Variants in PCNX2 observed in about 807,000 individuals in gnomAD.
PCNX2 encodes the protein pecanex 2.
In PCNX2, 168 loss-of-function variants were observed where a neutral mutation model predicts 223.8. That is an observed-to-expected ratio of 0.75 (90% CI 0.66 to 0.85). PCNX2 has a LOEUF of 0.85. Among genes scored for constraint, PCNX2 ranks in the 40% least tolerant of loss-of-function variants. The pLI, the probability that PCNX2 is intolerant of heterozygous loss-of-function variation, is 0.00. For missense variants in PCNX2, 2,507 were observed against 2,675.5 expected, an observed-to-expected ratio of 0.94 and a Z score of 1.39; for synonymous variants, 1,006 against 1,052.6, an observed-to-expected ratio of 0.96 and a Z score of 0.86.
intron 1 of PCNX2, among the ~76,000 whole-genome samples, chr1:233,277,651 A>G (rs116330189): frequency 0.01 from 1,550 of 152,340 alleles, 14 homozygotes; most frequent in South Asian, 0.028. Context: ...GAGCAGGTGG[A>G]GAAAACCAAA....
intron 5 of PCNX2, 93 bp downstream of exon 5, chr1:233,257,931 TCTCA>T: frequency 6.9e-7 from 1 of 1,439,564 alleles, no homozygotes; most frequent in Non-Finnish European, 9.2e-7. Flanking sequence ...CCAAGAGTTG[TCTCA>T]CTATTTGCAA....
intron 21 of PCNX2, among the ~76,000 whole-genome samples, chr1:233,097,423 A>G (rs1269329961): frequency 2.0e-5 from 3 of 152,268 alleles, no homozygotes; most frequent in Middle Eastern, 3.4e-3. Context: ...GGAAATATCA[A>G]TTCCAGGAAA....
At chr1:233,026,308 T>C (rs143562837) in intron 25 of PCNX2, among the ~76,000 whole-genome samples, 23 of 152,298 alleles carry the variant, frequency 1.5e-4, no homozygotes, top group East Asian at 5.8e-4. Context: ...TTATTATATG[T>C]TCCTAGAGCA....
intron 1 of PCNX2, among the ~76,000 whole-genome samples, chr1:233,273,372 G>C (rs1328981844): frequency 6.6e-6 from 1 of 151,940 alleles, no homozygotes; most frequent in African/African-American, 2.4e-5. Flanking sequence ...AGGGTCCTTA[G>C]AGGCTGGGCT....
intron 1 of PCNX2, chr1:233,289,144 G>A: frequency 2.3e-6 from 2 of 863,588 alleles, no homozygotes; most frequent in Admixed American, 1.7e-5. Flanking sequence ...GTTGGCTTAG[G>A]CAGGATTCTC....
intron 13 of PCNX2, among the ~76,000 whole-genome samples, chr1:233,206,416 T>C (rs16858852): frequency 0.052 from 7,459 of 142,636 alleles, 594 homozygotes; most frequent in African/African-American, 0.17. Context: ...TGAGTGAGCA[T>C]CTCTGTCTAC....
intron 25 of PCNX2, among the ~76,000 whole-genome samples, chr1:233,040,772 A>G (rs748360458): frequency 7.2e-5 from 11 of 151,752 alleles, no homozygotes; most frequent in Non-Finnish European, 1.3e-4. Flanking sequence ...TCCAATCTCT[A>G]CCCCTGCAAT....
rs115968217 is a variant in PCNX2, at chr1:233,226,207, G to A, written c.2504+1019C>T. ...TCATAAACTGTTATGTGCAAATTTT[G>A]AGGTAGGAAAAGATACAAATGAGAA... On this transcript the variant is annotated intron_variant, in intron 10 of 33. Transcript: ENST00000258229. Among the ~76,000 whole-genome samples, 1,235 of 152,252 alleles carry A rather than the reference G, an allele frequency of 8.1e-3. 18 individuals are homozygous for A. The highest frequency in any genetic ancestry group is 0.028 in the African/African-American group (1,176 of 41,548).
chr1:233,293,311 CTATT>C (rs1175160470), intron 1 of PCNX2, among the ~76,000 whole-genome samples: 1 of 152,148 alleles, frequency 6.6e-6, no homozygotes, highest in Non-Finnish European at 1.5e-5. Flanking sequence ...GTGAGGTAGA[CTATT>C]TAATGCTAGT....
chr1:233,250,729 C>T lies in PCNX2; in HGVS notation c.2222+10G>A, dbSNP rs1302752373. On this transcript the variant is annotated intron_variant, in intron 8 of 33. Coordinates refer to ENST00000258229, the MANE Select transcript of PCNX2 (RefSeq NM_014801.4). ...ACAGCTCTCAAGCCTGGAAACAAAGCTCCACTCACCGAGCCTGAGAGAGAC... is the reference window on the plus strand; with the variant it reads ...ACAGCTCTCAAGCCTGGAAACAAAGTTCCACTCACCGAGCCTGAGAGAGAC... 5.0e-6 allele frequency: 8 copies of T among 1,594,696 alleles called. No homozygotes were observed. Among genetic ancestry groups the T allele is most frequent in the Admixed American group, 1.8e-5 (1 of 57,048 alleles).
intron 21 of PCNX2, among the ~76,000 whole-genome samples, chr1:233,134,054 GA>G (rs1676664163): frequency 6.6e-6 from 1 of 151,792 alleles, no homozygotes. Flanking sequence ...ATTAAGAGGT[GA>G]AAAAATTTTA....
At chr1:233,254,698 C>G (rs374107046) in intron 5 of PCNX2, among the ~76,000 whole-genome samples, 10 of 150,036 alleles carry the variant, frequency 6.7e-5, no homozygotes, top group African/African-American at 2.5e-4. Context: ...CCTAGATATA[C>G]GCACTTTTTT....
intron 8 of PCNX2, among the ~76,000 whole-genome samples, chr1:233,244,438 G>A (rs186926474): frequency 5.3e-5 from 8 of 152,202 alleles, no homozygotes; most frequent in Non-Finnish European, 1.0e-4. Context: ...GACTGGGTGC[G>A]GTGACTCATG....
chr1:233,134,812 T>G (rs567524486), intron 21 of PCNX2: 50 of 579,834 alleles, frequency 8.6e-5, no homozygotes, highest in South Asian at 7.5e-4. Flanking sequence ...AATTAGTGAT[T>G]TTTAGCAAAT....
chr1:233,085,997 T>C (rs1673581982), intron 23 of PCNX2, among the ~76,000 whole-genome samples: 1 of 152,220 alleles, frequency 6.6e-6, no homozygotes, highest in African/African-American at 2.4e-5. Flanking sequence ...AGAGATTTGT[T>C]ATTGAGTAAT....
At chr1:233,281,409 A>G (rs2103019876) in intron 1 of PCNX2, among the ~76,000 whole-genome samples, 1 of 152,326 alleles carries the variant, frequency 6.6e-6, no homozygotes, top group East Asian at 1.9e-4. Context: ...TCCAATCTAA[A>G]TGTTTATATC....
chr1:233,242,743 A>G (rs1167598768), intron 8 of PCNX2, among the ~76,000 whole-genome samples: 1 of 152,214 alleles, frequency 6.6e-6, no homozygotes. Context: ...TCAACTTTCT[A>G]AGCAGCTTCA....
In PCNX2 at chr1:233,054,303, A is replaced by C; in HGVS notation, c.4316T>G (p.Leu1439Arg). The C allele has an allele frequency of 7.4e-6, 12 of 1,613,900 alleles. No homozygotes were observed. The highest frequency in any genetic ancestry group is 9.3e-6 in the Non-Finnish European group (11 of 1,179,850). Residue 1439 changes from leucine to arginine, a missense_variant, in exon 25 of 34, where the codon CTT (leucine) becomes CGT (arginine). Physicochemically the swap from Leu to Arg is moderately radical, Grantham distance 102. Transcript: ENST00000258229. ...CAGTCCTCGAAGTTGAAAGGTGACA[A>C]GACCATTTCCAATTTCAATCAGGTG... is the stretch of plus-strand genomic sequence containing the variant. ...FVHLIEIGNG[L>R]VTFQLRGLEF...
intron 22 of PCNX2, among the ~76,000 whole-genome samples, chr1:233,092,887 C>T (rs1673944327): frequency 1.3e-5 from 2 of 152,232 alleles, no homozygotes; most frequent in South Asian, 4.1e-4. Flanking sequence ...CAACCTCCGC[C>T]TCCCAGGTTC....
Sources: gnomAD v4.1 joint callset for allele counts (sites outside exome capture counted in the v4.1 genomes callset) on GRCh38, gnomAD v4.1.1 for gene constraint, MANE v1.5 for transcripts, NCBI Gene and HGNC (gene_info 2026-07-23, HGNC 2026-07-21) for gene names.